Variants in FIP1L1 observed in about 807,000 individuals in gnomAD.
FIP1L1 encodes factor interacting with PAPOLA and CPSF1.
A neutral mutation model predicts 84.6 loss-of-function variants in FIP1L1; 21 were observed. That is an observed-to-expected ratio of 0.25 (90% CI 0.18 to 0.36). The LOEUF is 0.36. FIP1L1 is among the 10% of genes least tolerant of loss of function. The pLI is 1.00. For synonymous variants in FIP1L1, 263 were observed against 242.3 expected, an observed-to-expected ratio of 1.09 and a Z score of -0.80; for missense variants, 526 against 751.1, an observed-to-expected ratio of 0.70 and a Z score of 3.50.
intron 3 of FIP1L1, among the ~76,000 whole-genome samples, chr4:53,379,829 A>G (rs1560478544): frequency 6.6e-6 from 1 of 152,232 alleles, no homozygotes; most frequent in Non-Finnish European, 1.5e-5. Context: ...CCAGATTTCA[A>G]AAAGCAAGCC....
chr4:53,460,701 C>A lies in FIP1L1; in HGVS notation c.*1252C>A, dbSNP rs1283677814. On this transcript the variant is annotated 3_prime_UTR_variant, in exon 18 of 18. Coordinates refer to ENST00000337488, the MANE Select transcript of FIP1L1 (RefSeq NM_030917.4). ...ATGTTGTAGAGTAATGAGAAATCCTCCACACTGAAAAAAAACTAGTAGTTT... is the reference window on the plus strand; with the variant it reads ...ATGTTGTAGAGTAATGAGAAATCCTACACACTGAAAAAAAACTAGTAGTTT... 1 of 514,818 alleles carries A rather than the reference C, an allele frequency of 1.9e-6. No homozygotes were observed. Among genetic ancestry groups the A allele is most frequent in the African/African-American group, 2.0e-5 (1 of 49,666 alleles). The allele number at this position is 514,818 out of a possible 1,614,324, so 31.9% of individuals were successfully genotyped here.
chr4:53,428,931 C>T (rs1346971616), intron 13 of FIP1L1, among the ~76,000 whole-genome samples: 1 of 152,164 alleles, frequency 6.6e-6, no homozygotes, highest in Non-Finnish European at 1.5e-5. Flanking sequence ...TTGTCCTCAT[C>T]AGGGCAACAT....
chr4:53,407,403 A>T (rs932914110), intron 10 of FIP1L1, among the ~76,000 whole-genome samples: 1 of 152,088 alleles, frequency 6.6e-6, no homozygotes, highest in Non-Finnish European at 1.5e-5. Context: ...GTTCTTTTAC[A>T]TTTACTGAGG....
intron 9 of FIP1L1, among the ~76,000 whole-genome samples, chr4:53,398,941 G>A (rs932245815): frequency 7.2e-5 from 11 of 152,028 alleles, no homozygotes; most frequent in Non-Finnish European, 1.2e-4. Flanking sequence ...CACTTGGGAC[G>A]GGAGTTTGAG....
Position 53,435,450 on chromosome 4 carries a change from C to A in FIP1L1, c.1175-7203C>A, listed in dbSNP as rs148589443. Among the ~76,000 whole-genome samples the A allele has an allele frequency of 3.3e-3, 506 of 152,182 alleles. 3 individuals are homozygous for A. The highest frequency in any genetic ancestry group is 0.012 in the African/African-American group (479 of 41,512). On this transcript the variant is annotated intron_variant, in intron 13 of 17. Coordinates refer to ENST00000337488, the MANE Select transcript of FIP1L1 (RefSeq NM_030917.4). ...ATATGGAAGCTGGTAGAGATCATTT[C>A]TTTACAAGTTCTCTATTAAAAAACA... is the stretch of plus-strand genomic sequence containing the variant.
At chr4:53,417,738 A>AACACACACACACACACACACAC (rs371194870) in intron 11 of FIP1L1, among the ~76,000 whole-genome samples, 6 of 70,398 alleles carry the variant, frequency 8.5e-5, no homozygotes, top group African/African-American at 4.5e-4. Flanking sequence ...TCTCTTTTTA[A>AACACACACACACACACACACAC]ACACACACAC....
At chr4:53,407,847 G>T (rs554043094) in intron 10 of FIP1L1, among the ~76,000 whole-genome samples, 82 of 152,126 alleles carry the variant, frequency 5.4e-4, no homozygotes, top group South Asian at 3.9e-3. Context: ...CATTTGCTTG[G>T]TAGATCTTCC....
intron 11 of FIP1L1, among the ~76,000 whole-genome samples, chr4:53,421,990 C>T (rs920793776): frequency 5.9e-5 from 9 of 152,206 alleles, no homozygotes; most frequent in African/African-American, 9.7e-5. Flanking sequence ...ACACAGACCA[C>T]GTTGTTTTGC....
intron 5 of FIP1L1, among the ~76,000 whole-genome samples, chr4:53,388,989 T>C (rs1742680073): frequency 6.6e-6 from 1 of 152,140 alleles, no homozygotes; most frequent in Admixed American, 6.5e-5. Flanking sequence ...TTATATTACA[T>C]CTAAAAAGGT....
At chr4:53,399,489 G>A (rs1319890420) in intron 9 of FIP1L1, among the ~76,000 whole-genome samples, 1 of 152,052 alleles carries the variant, frequency 6.6e-6, no homozygotes, top group East Asian at 1.9e-4. Flanking sequence ...CAGTTTATTC[G>A]GCTTCTAAGT....
chr4:53,417,633 ACTC>A (rs1393730774), intron 11 of FIP1L1, among the ~76,000 whole-genome samples: 1 of 92,932 alleles, frequency 1.1e-5, no homozygotes, highest in African/African-American at 3.7e-5. Flanking sequence ...CAACAGCAAA[ACTC>A]CTTCTCAAAA....
At chr4:53,457,692 C>T (rs1436364644) in intron 16 of FIP1L1, among the ~76,000 whole-genome samples, 4 of 152,000 alleles carry the variant, frequency 2.6e-5, no homozygotes, top group East Asian at 3.9e-4. Flanking sequence ...AATCAAAGCT[C>T]TTCAGCATAT....
At chr4:53,429,250 T>A (rs1193473547) in intron 13 of FIP1L1, among the ~76,000 whole-genome samples, 1 of 152,214 alleles carries the variant, frequency 6.6e-6, no homozygotes, top group African/African-American at 2.4e-5. Context: ...GAGGGTCTGT[T>A]GTCTCAACAA....
rs531488760 is a variant in FIP1L1, at chr4:53,381,753, C to CTTTTTTTTTTTTTTTTTTTTTTTTTT, written c.171-501_171-500insTTTTTTTTTTTTTTTTTTTTTTTTTT. Among the ~76,000 whole-genome samples the CTTTTTTTTTTTTTTTTTTTTTTTTTT allele has an allele frequency of 6.3e-4, 55 of 87,930 alleles. 11 individuals are homozygous for CTTTTTTTTTTTTTTTTTTTTTTTTTT. The highest frequency in any genetic ancestry group is 8.7e-4 in the Non-Finnish European group (43 of 49,462). The allele number at this position is 87,930 out of a possible 152,430, so 57.7% of individuals were successfully genotyped here. On this transcript the variant is annotated intron_variant, in intron 3 of 17. Coordinates refer to ENST00000337488, the MANE Select transcript of FIP1L1 (RefSeq NM_030917.4). ...AATAAACTGTGAAGGCATTTGCATT[C>CTTTTTTTTTTTTTTTTTTTTTTTTTT]TTTTTTTTTTTTTTTTTTTTTTTTG...
At chr4:53,423,044 A>G (rs1578737649) in intron 11 of FIP1L1, among the ~76,000 whole-genome samples, 2 of 152,070 alleles carry the variant, frequency 1.3e-5, no homozygotes, top group Admixed American at 6.5e-5. Flanking sequence ...TCTATCTTCT[A>G]TTAGCCCTGA....
rs1489570006 is a variant in FIP1L1, at chr4:53,420,240, A to AATG, written c.923+5518_923+5519insATG. Among the ~76,000 whole-genome samples, 45 of 144,692 alleles carry AATG rather than the reference A, an allele frequency of 3.1e-4. 1 individual carries two copies. The highest frequency in any genetic ancestry group is 1.0e-3 in the African/African-American group (39 of 38,980). 94.9% of individuals were successfully genotyped at this position (144,692 alleles called of 152,430 possible). ...AAAAAAAAAAACCAGCCTGACCAAC[A>AATG]TGGAGAAACCCTGTCTCTACTAAAA... On this transcript the variant is annotated intron_variant, in intron 11 of 17. Coordinates refer to ENST00000337488, the MANE Select transcript of FIP1L1 (RefSeq NM_030917.4).
chr4:53,383,665 A>G (rs1739289054), intron 4 of FIP1L1, 108 bp from the exon 5 acceptor site: 2 of 1,113,604 alleles, frequency 1.8e-6, no homozygotes, highest in South Asian at 1.7e-5. Flanking sequence ...CTGTCTCAAG[A>G]CAGAAGAAAG....
At chr4:53,390,739 CTT>C (rs1743828634) in intron 7 of FIP1L1, 111 bp downstream of exon 7, 1 of 713,472 alleles carries the variant, frequency 1.4e-6, no homozygotes, top group Non-Finnish European at 2.2e-6. Context: ...TTTTAATTGT[CTT>C]AAGCAAATGA....
Position 53,460,179 on chromosome 4 carries a change from CTT to C in FIP1L1, c.*731_*732del. 5.1e-6 allele frequency: 1 copy of C among 197,416 alleles called. No homozygotes were observed. Among genetic ancestry groups the C allele is most frequent in the Middle Eastern group, 1.8e-3 (1 of 568 alleles). 12.2% of individuals were successfully genotyped at this position (197,416 alleles called of 1,614,324 possible). On this transcript the variant is annotated 3_prime_UTR_variant, in exon 18 of 18. Coordinates refer to ENST00000337488, the MANE Select transcript of FIP1L1 (RefSeq NM_030917.4). ...GCCAGGGTCAAGCTGGTTTGGCCTT[CTT>C]GATGCATTTTCCAAGGCCCACTGGT... is the stretch of plus-strand genomic sequence containing the variant.
Sources: allele counts gnomAD v4.1 joint callset (sites outside exome capture counted in the v4.1 genomes callset), GRCh38; gene constraint gnomAD v4.1.1; transcripts MANE v1.5; gene names NCBI Gene and HGNC (gene_info 2026-07-23, HGNC 2026-07-21).